Variants in CTPS2 observed in about 807,000 individuals in gnomAD.
CTPS2 encodes CTP synthase II.
A neutral mutation model predicts 46.8 loss-of-function variants in CTPS2; 19 were observed. The ratio of observed to expected loss-of-function variants is 0.41; its 90% confidence interval spans 0.28 to 0.60. CTPS2 has a LOEUF of 0.60. Among genes scored for constraint, CTPS2 ranks in the 20% least tolerant of loss-of-function variants. The pLI is 0.35. For synonymous variants in CTPS2, 151 were observed against 165.2 expected (o/e 0.91, Z 0.66); for missense variants, 286 against 447.6 (o/e 0.64, Z 3.26).
chrX:16,624,618 G>A (rs981768918), intron 14 of CTPS2, among the ~76,000 whole-genome samples: 3 of 112,022 alleles, frequency 2.7e-5, no homozygotes, highest in African/African-American at 9.7e-5. Context: ...ACTGTTGAAT[G>A]TAAAATCTAG....
At chrX:16,658,652 T>C (rs1429661044) in intron 13 of CTPS2, among the ~76,000 whole-genome samples, 1 of 112,556 alleles carries the variant, frequency 8.9e-6, no homozygotes, top group African/African-American at 3.2e-5. Context: ...GATTCATAAC[T>C]CTACAGGCAG....
Position 16,685,735 on chromosome X carries a change from T to C in CTPS2, c.873-2509A>G, listed in dbSNP as rs55908533. Among the ~76,000 whole-genome samples, 648 of 103,043 alleles carry C rather than the reference T, an allele frequency of 6.3e-3. 4 individuals are homozygous for C. Among genetic ancestry groups the C allele is most frequent in the Non-Finnish European group, 9.7e-3 (488 of 50,456 alleles). The allele number at this position is 103,043 out of a possible 115,157, so 89.5% of individuals were successfully genotyped here. A position where few individuals can be genotyped will look rare whatever the true frequency, so the allele number is the denominator to read the frequency against. On this transcript the variant is annotated intron_variant, in intron 8 of 18. Transcript: ENST00000359276. ...AAAAAAAATTAGCCGGGCGTGGTGG[T>C]GGGCGCCTGTAGTCCCAGCTACTCG...
chrX:16,708,667 C>G (rs1925202897), intron 1 of CTPS2, among the ~76,000 whole-genome samples: 1 of 111,248 alleles, frequency 9.0e-6, no homozygotes, highest in African/African-American at 3.3e-5. Context: ...CTGGACTTCA[C>G]CTTTCCTGCA....
At chrX:16,598,189 A>G (rs1278123616) in intron 17 of CTPS2, among the ~76,000 whole-genome samples, 3 of 111,621 alleles carry the variant, frequency 2.7e-5, no homozygotes, top group Non-Finnish European at 5.6e-5. Context: ...CTAGCAGAAG[A>G]CAAGAAATAA....
At chrX:16,669,018 A>G (rs920126629) in intron 11 of CTPS2, among the ~76,000 whole-genome samples, 7 of 111,274 alleles carry the variant, frequency 6.3e-5, no homozygotes. Flanking sequence ...GCTTGGCCAG[A>G]GGTTGAGTGC....
Position 16,683,239 on chromosome X carries a change from ACAAACT to A in CTPS2, c.873-19_873-14del. 1 of 1,207,839 alleles carries A rather than the reference ACAAACT, an allele frequency of 8.3e-7. No homozygotes were observed. ...TAACCTTTCATACCTGGGAAAGAAA[ACAAACT>A]CAAAGGTTATATGCACATAACAGAA... On this transcript the variant is annotated splice_polypyrimidine_tract_variant and intron_variant, in intron 8 of 18. Transcript: ENST00000359276.
intron 10 of CTPS2, among the ~76,000 whole-genome samples, chrX:16,674,824 C>T (rs1032660102): frequency 6.0e-5 from 6 of 100,020 alleles, no homozygotes; most frequent in Admixed American, 1.1e-4. Context: ...GGCAACAAGG[C>T]GAGACTCCGT....
intron 14 of CTPS2, among the ~76,000 whole-genome samples, chrX:16,623,509 G>A (rs1930948515): frequency 9.0e-6 from 1 of 111,463 alleles, no homozygotes; most frequent in Non-Finnish European, 1.9e-5. Flanking sequence ...GAGAACATGC[G>A]ATGTTTGTCT....
At position 16,691,437 on chromosome X, in the gene CTPS2, T is replaced by C; in HGVS notation, c.720+103A>G. The C allele has an allele frequency of 6.0e-6, 4 of 670,910 alleles. No individual in the cohort carries two copies. In the East Asian group the frequency reaches 1.3e-4, roughly 22 times the overall value. The allele number at this position is 670,910 out of a possible 1,213,427, so 55.3% of individuals were successfully genotyped here. A position where few individuals can be genotyped will look rare whatever the true frequency, so the allele number is the denominator to read the frequency against. Reference sequence around the variant, plus strand: ...GGTTGGATCAGGGTTCCCCAGTGCTTGCATAAATGCCGTGAAAAGTAATAT... The same window carrying C: ...GGTTGGATCAGGGTTCCCCAGTGCTCGCATAAATGCCGTGAAAAGTAATAT... On this transcript the variant is annotated intron_variant, in intron 7 of 18. Coordinates refer to ENST00000359276, the MANE Select transcript of CTPS2 (RefSeq NM_175859.3).
chrX:16,637,458 A>G (rs945443632), intron 14 of CTPS2, among the ~76,000 whole-genome samples: 4 of 112,372 alleles, frequency 3.6e-5, no homozygotes, highest in African/African-American at 1.3e-4. Context: ...GGCTCAAGCA[A>G]TCTGCCGGCC....
chrX:16,684,974 C>G (rs1923052003), intron 8 of CTPS2, among the ~76,000 whole-genome samples: 1 of 111,106 alleles, frequency 9.0e-6, no homozygotes, highest in South Asian at 3.8e-4. Context: ...GCCTGTAGTT[C>G]CAGCTACTCA....
At chrX:16,685,667 G>C (rs1923123020) in intron 8 of CTPS2, among the ~76,000 whole-genome samples, 1 of 105,481 alleles carries the variant, frequency 9.5e-6, no homozygotes, top group African/African-American at 3.5e-5. Flanking sequence ...GATCGTCCTG[G>C]CTAACATGGT....
chrX:16,629,087 G>A (rs993214943), intron 14 of CTPS2, among the ~76,000 whole-genome samples: 2 of 112,257 alleles, frequency 1.8e-5, no homozygotes, highest in East Asian at 5.6e-4. Flanking sequence ...GCCAGAGACT[G>A]AGAGCTGAGG....
intron 8 of CTPS2, among the ~76,000 whole-genome samples, chrX:16,688,795 A>G (rs1417786972): frequency 1.8e-5 from 2 of 108,456 alleles, no homozygotes; most frequent in African/African-American, 6.8e-5. Context: ...AAACCTGTGA[A>G]GTTTAAAACT....
At chrX:16,668,651 T>G (rs1223246104) in intron 11 of CTPS2, among the ~76,000 whole-genome samples, 7 of 66,798 alleles carry the variant, frequency 1.0e-4, no homozygotes, top group African/African-American at 2.4e-4. Context: ...GAAGGAAGGA[T>G]GGAAGGAAGG....
intron 1 of CTPS2, among the ~76,000 whole-genome samples, chrX:16,705,516 G>T (rs5980326): frequency 0.55 from 61,400 of 110,909 alleles, 13,756 homozygotes; most frequent in African/African-American, 0.86. Flanking sequence ...AGTGAACAGG[G>T]GTCATATGCT....
intron 15 of CTPS2, among the ~76,000 whole-genome samples, chrX:16,619,187 C>A (rs759332215): frequency 5.1e-4 from 57 of 112,251 alleles, no homozygotes; most frequent in African/African-American, 1.8e-3. Context: ...TCCCACGAGT[C>A]CTCCTTCAAA....
chrX:16,614,726 G>A (rs1358848180), intron 16 of CTPS2, among the ~76,000 whole-genome samples: 1 of 110,055 alleles, frequency 9.1e-6, no homozygotes, highest in African/African-American at 3.3e-5. Context: ...GAGCAACATG[G>A]CAAAACCCTG....
chrX:16,640,799 A>G (rs1274248159), intron 13 of CTPS2, among the ~76,000 whole-genome samples: 1 of 111,367 alleles, frequency 9.0e-6, no homozygotes, highest in Non-Finnish European at 1.9e-5. Context: ...CCCATACCGT[A>G]ATTGCCACAT....
Sources: gnomAD v4.1 joint callset for allele counts (sites outside exome capture counted in the v4.1 genomes callset) on GRCh38, gnomAD v4.1.1 for gene constraint, MANE v1.5 for transcripts, NCBI Gene and HGNC (gene_info 2026-07-23, HGNC 2026-07-21) for gene names.